ENTREP1: variants seen among roughly 807,000 people sequenced by gnomAD.
The protein encoded by ENTREP1 is endosomal transmembrane epsin interactor 1.
At chr9:69,327,144 T>C in the ENTREP1 span, among the ~76,000 whole-genome samples, 2 of 152,336 alleles carry the variant, frequency 1.3e-5, no homozygotes, top group South Asian at 4.1e-4. Context: ...GCTTTCCTTT[T>C]GAAATACTTT....
At chr9:69,326,887 A>C in the ENTREP1 span, among the ~76,000 whole-genome samples, 6 of 152,040 alleles carry the variant, frequency 3.9e-5, no homozygotes. Context: ...CTATGAACTC[A>C]CTGTGTAAAT....
chr9:69,385,719 C>T, the ENTREP1 span: 6 of 1,434,340 alleles, frequency 4.2e-6, no homozygotes, highest in African/African-American at 1.5e-5. Context: ...TGTTTCCTGC[C>T]CATTTTGAGG....
At chr9:69,371,281 T>G in the ENTREP1 span, 4 of 584,416 alleles carry the variant, frequency 6.8e-6, no homozygotes, top group South Asian at 2.0e-5. Context: ...AATAAGGACT[T>G]GAGGTTATTG....
At chr9:69,350,168 G>A in the ENTREP1 span, among the ~76,000 whole-genome samples, 11 of 152,164 alleles carry the variant, frequency 7.2e-5, no homozygotes, top group Middle Eastern at 6.8e-3. Context: ...GGTCATGAAC[G>A]CTTACTCCTA....
At chr9:69,327,275 T>C in the ENTREP1 span, among the ~76,000 whole-genome samples, 1 of 152,142 alleles carries the variant, frequency 6.6e-6, no homozygotes. Flanking sequence ...CTGGCCTCTA[T>C]GAGTGTTCAG....
the ENTREP1 span, among the ~76,000 whole-genome samples, chr9:69,390,835 C>A: frequency 7.9e-5 from 12 of 151,810 alleles, no homozygotes; most frequent in African/African-American, 2.7e-4. Context: ...GAGATGAGGT[C>A]TTGCGATGTT....
the ENTREP1 span, chr9:69,379,620 C>T: frequency 7.2e-5 from 11 of 152,176 alleles, no homozygotes; most frequent in African/African-American, 2.2e-4. Flanking sequence ...ATCTTAGCGC[C>T]GTCTCAGGCT....
chr9:69,375,888 G>A, the ENTREP1 span: 28 of 1,606,106 alleles, frequency 1.7e-5, no homozygotes, highest in East Asian at 4.5e-5. Context: ...ATTCCCACCC[G>A]CACGGTAAAT....
the ENTREP1 span, chr9:69,377,462 C>T: frequency 4.3e-6 from 7 of 1,613,614 alleles, no homozygotes; most frequent in African/African-American, 9.3e-5. Flanking sequence ...TATTCGCAAC[C>T]AGGAGATCCT....
chr9:69,362,620 G>T, the ENTREP1 span, among the ~76,000 whole-genome samples: 1 of 152,156 alleles, frequency 6.6e-6, no homozygotes, highest in Non-Finnish European at 1.5e-5. Flanking sequence ...AATACTGAGT[G>T]TCAACTTGAT....
the ENTREP1 span, among the ~76,000 whole-genome samples, chr9:69,351,388 T>TTGATGATGA: frequency 2.2e-3 from 335 of 151,452 alleles, 2 homozygotes; most frequent in Middle Eastern, 0.017. Context: ...TCTTATTTCC[T>TTGATGATGA]TGATGATGAT....
the ENTREP1 span, among the ~76,000 whole-genome samples, chr9:69,352,139 C>T: frequency 4.6e-5 from 7 of 151,962 alleles, no homozygotes; most frequent in African/African-American, 1.7e-4. Flanking sequence ...TTTTTTGAGA[C>T]AGAGTCTTTC....
At chr9:69,337,171 C>T in the ENTREP1 span, among the ~76,000 whole-genome samples, 44 of 151,990 alleles carry the variant, frequency 2.9e-4, no homozygotes, top group African/African-American at 8.2e-4. Flanking sequence ...TGCACCAACA[C>T]GCCTGGCTAA....
the ENTREP1 span, among the ~76,000 whole-genome samples, chr9:69,326,442 G>A: frequency 6.6e-6 from 1 of 152,166 alleles, no homozygotes; most frequent in Admixed American, 6.5e-5. Context: ...GTGCCCAGCA[G>A]CTAGCTAGAG....
the ENTREP1 span, among the ~76,000 whole-genome samples, chr9:69,388,803 G>A: frequency 6.6e-6 from 1 of 152,148 alleles, no homozygotes; most frequent in African/African-American, 2.4e-5. Context: ...CTTTGATAGG[G>A]CATGTTTTCT....
the ENTREP1 span, among the ~76,000 whole-genome samples, chr9:69,360,330 A>G: frequency 6.6e-6 from 1 of 152,234 alleles, no homozygotes; most frequent in Non-Finnish European, 1.5e-5. Context: ...GTAGACAATT[A>G]GGAAATCTTT....
the ENTREP1 span, among the ~76,000 whole-genome samples, chr9:69,362,654 G>T: frequency 6.6e-6 from 1 of 152,252 alleles, no homozygotes; most frequent in Admixed American, 6.5e-5. Flanking sequence ...GCAAAGTATT[G>T]ATCCTGGGTG....
the ENTREP1 span, among the ~76,000 whole-genome samples, chr9:69,376,027 C>T: frequency 6.6e-6 from 1 of 152,016 alleles, no homozygotes; most frequent in Non-Finnish European, 1.5e-5. Context: ...CAGAAAGAAC[C>T]ACAGATTATT....
the ENTREP1 span, among the ~76,000 whole-genome samples, chr9:69,363,376 A>G: frequency 6.6e-6 from 1 of 152,234 alleles, no homozygotes; most frequent in African/African-American, 2.4e-5. Context: ...CTTAATGAGC[A>G]GGAAAAAAAT....
Sources: gnomAD v4.1 joint callset for allele counts (sites outside exome capture counted in the v4.1 genomes callset) on GRCh38, gnomAD v4.1.1 for gene constraint, MANE v1.5 for transcripts, NCBI Gene and HGNC (gene_info 2026-07-23, HGNC 2026-07-21) for gene names.